CASTOR2: variants seen among roughly 807,000 people sequenced by gnomAD.
The protein encoded by CASTOR2 is cytosolic arginine sensor for mTORC1 subunit 2.
CASTOR2 carries 8 observed loss-of-function variants against 31.2 expected under a neutral mutation model. The observed-to-expected ratio is 0.26, with a 90% CI of 0.15 to 0.46. The LOEUF is 0.46. Among genes scored for constraint, CASTOR2 ranks in the 20% least tolerant of loss-of-function variants. The pLI is 0.99. For synonymous variants in CASTOR2, 162 were observed against 158.7 expected, an observed-to-expected ratio of 1.02 and a Z score of -0.16; for missense variants, 216 against 382.1, an observed-to-expected ratio of 0.57 and a Z score of 3.62.
intron 1 of CASTOR2, among the ~76,000 whole-genome samples, chr7:74,995,958 A>G (rs1450953262): frequency 6.6e-6 from 1 of 152,100 alleles, no homozygotes; most frequent in African/African-American, 2.4e-5. Context: ...AGCCTGGGCA[A>G]CAGAGCAAGA....
intron 1 of CASTOR2, among the ~76,000 whole-genome samples, chr7:74,994,287 A>T (rs1464287710): frequency 6.6e-6 from 1 of 152,180 alleles, no homozygotes; most frequent in Admixed American, 6.5e-5. Context: ...ACTGGTGTGC[A>T]ATTCTCTTTC....
At chr7:75,022,714 G>A (rs1027068936) in intron 7 of CASTOR2, among the ~76,000 whole-genome samples, 3 of 152,082 alleles carry the variant, frequency 2.0e-5, no homozygotes, top group Non-Finnish European at 4.4e-5. Context: ...TGGGAGAATC[G>A]CTTGAACCCA....
At position 75,024,572 on chromosome 7, in the gene CASTOR2, G is replaced by A; in HGVS notation, c.924+38G>A. 9 of 1,550,472 alleles carry A rather than the reference G, an allele frequency of 5.8e-6. No homozygotes were observed. In the East Asian group the frequency reaches 7.3e-5, roughly 13 times the overall value. ...CGCCAGACCCCTCCAGGGCAGGGCC[G>A]GGGTGGGGAAGCAGGTTCCTGGGCT... On this transcript the variant is annotated intron_variant, in intron 8 of 8. Coordinates refer to ENST00000616305, the MANE Select transcript of CASTOR2 (RefSeq NM_001145064.3).
intron 2 of CASTOR2, among the ~76,000 whole-genome samples, chr7:75,012,766 G>C (rs1804783446): frequency 6.6e-6 from 1 of 151,822 alleles, no homozygotes; most frequent in South Asian, 2.1e-4. Context: ...AGCCTCCTGA[G>C]TAGTTGAGAC....
intron 1 of CASTOR2, among the ~76,000 whole-genome samples, chr7:74,990,388 A>AG (rs1212258438): frequency 2.0e-5 from 3 of 151,366 alleles, no homozygotes; most frequent in African/African-American, 4.8e-5. Context: ...ATCTCAAAAA[A>AG]AAAAAACAAA....
Position 75,006,758 on chromosome 7 carries a change from G to T in CASTOR2, c.114-1236G>T, listed in dbSNP as rs1196458922. 2.3e-3 allele frequency among the ~76,000 whole-genome samples: 353 copies of T among 152,216 alleles called. 1 individual carries two copies. The highest frequency in any genetic ancestry group is 3.8e-3 in the Admixed American group (58 of 15,270). ...AGATCTGATGGTTTTATAAAGGGTA[G>T]TTCCCCTGCACATGCTCTCTTGCCT... On this transcript the variant is annotated intron_variant, in intron 1 of 8. Transcript: ENST00000616305.
At chr7:74,996,938 T>C (rs1488392437) in intron 1 of CASTOR2, among the ~76,000 whole-genome samples, 8 of 151,630 alleles carry the variant, frequency 5.3e-5, no homozygotes, top group Non-Finnish European at 1.2e-4. Flanking sequence ...TTTCACCATG[T>C]TGGCCAGGTT....
intron 2 of CASTOR2, among the ~76,000 whole-genome samples, chr7:75,011,727 CAAAAAAAAA>C (rs587617013): frequency 2.2e-5 from 1 of 44,562 alleles, no homozygotes; most frequent in Non-Finnish European, 4.3e-5. Flanking sequence ...AGAGCTGTCT[CAAAAAAAAA>C]AAAAAAAAAA....
rs1805290159 is a variant in CASTOR2 at position 75,031,168 on chromosome 7, G to A, written c.*6469G>A. Among the ~76,000 whole-genome samples the A allele has an allele frequency of 6.6e-6, 1 of 152,140 alleles. No individual in the cohort carries two copies. The highest frequency in any genetic ancestry group is 1.5e-5 in the Non-Finnish European group (1 of 68,016). On this transcript the variant is annotated 3_prime_UTR_variant, in exon 9 of 9. Transcript: ENST00000616305. ...ATGCCAAAATCATTTCCGTTATCCT[G>A]AGATGGGGGTGAGTGGATGGATGGT...
At chr7:75,006,236 A>G (rs1438917445) in intron 1 of CASTOR2, among the ~76,000 whole-genome samples, 1 of 152,170 alleles carries the variant, frequency 6.6e-6, no homozygotes, top group Non-Finnish European at 1.5e-5. Flanking sequence ...ATGAGCTGTG[A>G]TTGCATCACT....
At chr7:75,007,102 C>T (rs1400796957) in intron 1 of CASTOR2, among the ~76,000 whole-genome samples, 23 of 152,148 alleles carry the variant, frequency 1.5e-4, no homozygotes, top group African/African-American at 4.3e-4. Flanking sequence ...CTGCAAGCCT[C>T]TGCCTGTGCA....
intron 2 of CASTOR2, among the ~76,000 whole-genome samples, chr7:75,015,950 C>T (rs1443322748): frequency 6.6e-6 from 1 of 152,020 alleles, no homozygotes; most frequent in African/African-American, 2.4e-5. Flanking sequence ...GCCTCTAATC[C>T]CAGCTACTCG....
At chr7:75,018,780 C>T (rs1804925666) in intron 4 of CASTOR2, among the ~76,000 whole-genome samples, 192 bp from the exon 5 acceptor site, 1 of 152,234 alleles carries the variant, frequency 6.6e-6, no homozygotes, top group South Asian at 2.1e-4. Flanking sequence ...TGTGCAAAGG[C>T]CCAGGGGCCT....
rs1804891588 is a variant in CASTOR2, at chr7:75,017,459, A to T, written c.185-139A>T. On this transcript the variant is annotated intron_variant, in intron 2 of 8. Coordinates refer to ENST00000616305, the MANE Select transcript of CASTOR2 (RefSeq NM_001145064.3). ...AGCAAGACTGTCTCAAAAAAAAAAA[A>T]TCCTGTTGGAAAGTGAGGCAAGGCA... The T allele has an allele frequency of 3.2e-5, 34 of 1,078,018 alleles. No individual in the cohort carries two copies. The South Asian group carries it at 4.6e-4, about 15-fold the overall frequency. The allele number at this position is 1,078,018 out of a possible 1,614,324, so 66.8% of individuals were successfully genotyped here. A position where few individuals can be genotyped will look rare whatever the true frequency, so the allele number is the denominator to read the frequency against.
chr7:75,001,869 A>G (rs1804505383), intron 1 of CASTOR2, among the ~76,000 whole-genome samples: 2 of 152,172 alleles, frequency 1.3e-5, no homozygotes, highest in Admixed American at 6.5e-5. Context: ...TGGGTTGTGC[A>G]CTGCACAACT....
Position 75,024,816 on chromosome 7 carries a change from C to A in CASTOR2, c.*117C>A, listed in dbSNP as rs956813085. ...CAGCCTGGGGACCCTGAGGAAGGGGCCTCTGTGGGAGACTCCCTCGATTGC... is the reference window on the plus strand; with the variant it reads ...CAGCCTGGGGACCCTGAGGAAGGGGACTCTGTGGGAGACTCCCTCGATTGC... On this transcript the variant is annotated 3_prime_UTR_variant, in exon 9 of 9. Transcript: ENST00000616305. 84 of 1,548,744 alleles carry A rather than the reference C, an allele frequency of 5.4e-5. No homozygotes were observed. The highest frequency in any genetic ancestry group is 6.8e-5 in the Non-Finnish European group (78 of 1,146,414).
chr7:74,999,645 A>G (rs1251771455), intron 1 of CASTOR2, among the ~76,000 whole-genome samples: 2 of 101,978 alleles, frequency 2.0e-5, no homozygotes, highest in African/African-American at 4.2e-5. Flanking sequence ...TTGAGACGGA[A>G]TCTCGCTCTG....
At position 74,999,601 on chromosome 7, in the gene CASTOR2, C is replaced by CTTTTTT. The variant is rs1158456043; in HGVS notation, c.114-8363_114-8358dup. Among the ~76,000 whole-genome samples, 295 of 45,782 alleles carry CTTTTTT rather than the reference C, an allele frequency of 6.4e-3. 79 individuals carry two copies. Among genetic ancestry groups the CTTTTTT allele is most frequent in the African/African-American group, 0.013 (106 of 7,980 alleles). 30.0% of individuals were successfully genotyped at this position (45,782 alleles called of 152,430 possible). ...CCCGAAACACTTCTATCACTCACTG[C>CTTTTTT]TTTTTTTTTTTTTTTTTTTTTTTTT... On this transcript the variant is annotated intron_variant, in intron 1 of 8. Transcript: ENST00000616305.
chr7:74,993,714 G>A (rs1804267743), intron 1 of CASTOR2, among the ~76,000 whole-genome samples: 2 of 150,968 alleles, frequency 1.3e-5, no homozygotes, highest in Non-Finnish European at 2.9e-5. Context: ...GCCTCCCAAA[G>A]TGCTGGGATT....
Sources: gnomAD v4.1 joint callset for allele counts (sites outside exome capture counted in the v4.1 genomes callset) on GRCh38, gnomAD v4.1.1 for gene constraint, MANE v1.5 for transcripts, NCBI Gene and HGNC (gene_info 2026-07-23, HGNC 2026-07-21) for gene names.